Variants in GRID2 observed in about 807,000 individuals in gnomAD.
The protein encoded by GRID2 is glutamate ionotropic receptor delta type subunit 2, also known as glutamate receptor ionotropic, delta-2.
Under a neutral mutation model 114.8 loss-of-function variants are expected in GRID2, and 33 were observed. The observed-to-expected ratio is 0.29, with a 90% CI of 0.22 to 0.38. The LOEUF (loss-of-function observed/expected upper bound fraction) is 0.38. Ranked by LOEUF, GRID2 falls within the 10% of genes least tolerant of loss-of-function variation. The pLI, the probability that GRID2 is intolerant of heterozygous loss-of-function variation, is 1.00. For synonymous variants in GRID2, 505 were observed against 449.9 expected, an observed-to-expected ratio of 1.12 and a Z score of -1.55; for missense variants, 1,184 against 1,257.7, an observed-to-expected ratio of 0.94 and a Z score of 0.89.
At chr4:92,939,633 C>A (rs1750941625) in intron 2 of GRID2, among the ~76,000 whole-genome samples, 1 of 147,026 alleles carries the variant, frequency 6.8e-6, no homozygotes, top group South Asian at 2.3e-4. Context: ...GACATGAAGT[C>A]CTTGCCCATG....
At chr4:93,680,147 C>G (rs1178507686) in intron 14 of GRID2, among the ~76,000 whole-genome samples, 1 of 151,910 alleles carries the variant, frequency 6.6e-6, no homozygotes, top group Non-Finnish European at 1.5e-5. Context: ...ATACTATAAA[C>G]ACCTCTACAC....
chr4:92,731,616 A>G (rs1019895342), intron 2 of GRID2, among the ~76,000 whole-genome samples: 8 of 152,084 alleles, frequency 5.3e-5, no homozygotes, highest in Admixed American at 2.6e-4. Flanking sequence ...GTAGTAATCT[A>G]TGATATTTTA....
chr4:93,423,313 A>G (rs1768490420), intron 10 of GRID2, among the ~76,000 whole-genome samples: 1 of 150,270 alleles, frequency 6.7e-6, no homozygotes, highest in African/African-American at 2.4e-5. Context: ...TTACACATGC[A>G]ATTTGTACTA....
chr4:92,743,759 C>T (rs1039967915), intron 2 of GRID2, among the ~76,000 whole-genome samples: 9 of 152,146 alleles, frequency 5.9e-5, no homozygotes, highest in Non-Finnish European at 1.2e-4. Context: ...TTTGATGATT[C>T]AGGGGCTACT....
intron 1 of GRID2, among the ~76,000 whole-genome samples, chr4:92,587,395 G>A (rs1279937507): frequency 6.6e-6 from 1 of 152,004 alleles, no homozygotes; most frequent in African/African-American, 2.4e-5. Context: ...GAATAGAGAT[G>A]ACTTTGCTGT....
rs777606009 is a variant in GRID2, at chr4:92,495,690, AAATAT to A, written c.89-94437_89-94433del. ...GGATATTGATTGTTTAGAATTATAA[AAATAT>A]AATGTAATATAAATAAAACATTACA... is the stretch of plus-strand genomic sequence containing the variant. On this transcript the variant is annotated intron_variant, in intron 1 of 15. Transcript: ENST00000282020. 7.2e-5 allele frequency among the ~76,000 whole-genome samples: 11 copies of A among 152,064 alleles called. No individual in the cohort carries two copies. In the East Asian group the frequency reaches 9.6e-4, roughly 13 times the overall value.
At chr4:93,382,334 CTCTG>C (rs1763931683) in intron 8 of GRID2, among the ~76,000 whole-genome samples, 1 of 151,938 alleles carries the variant, frequency 6.6e-6, no homozygotes, top group Non-Finnish European at 1.5e-5. Flanking sequence ...CTCTTCTTTT[CTCTG>C]TCTTCTTATG....
chr4:93,675,541 G>C (rs937216291), intron 14 of GRID2, among the ~76,000 whole-genome samples: 7 of 152,138 alleles, frequency 4.6e-5, no homozygotes, highest in African/African-American at 1.7e-4. Context: ...CACAGCCATA[G>C]TCTGAAATAA....
intron 1 of GRID2, among the ~76,000 whole-genome samples, chr4:92,346,361 CT>C (rs1456343096): frequency 1.3e-5 from 2 of 152,094 alleles, no homozygotes; most frequent in African/African-American, 2.4e-5. Flanking sequence ...ATTTTCTGAA[CT>C]TTTTTTGTTT....
chr4:93,081,218 A>G (rs1729836991), intron 2 of GRID2, among the ~76,000 whole-genome samples: 1 of 152,226 alleles, frequency 6.6e-6, no homozygotes, highest in African/African-American at 2.4e-5. Context: ...TAAGTCAGAA[A>G]AAAAAGATCA....
chr4:93,617,823 A>G (rs902674928), intron 13 of GRID2, among the ~76,000 whole-genome samples: 4 of 152,220 alleles, frequency 2.6e-5, no homozygotes, highest in African/African-American at 7.2e-5. Context: ...GGGGTGATTC[A>G]TTATTGTGAA....
intron 4 of GRID2, among the ~76,000 whole-genome samples, chr4:93,129,841 G>T (rs1308598225): frequency 6.6e-6 from 1 of 152,082 alleles, no homozygotes; most frequent in African/African-American, 2.4e-5. Flanking sequence ...CAAATTTGGG[G>T]TGTTCCATTT....
chr4:93,576,289 A>T (rs1305164672), intron 13 of GRID2, among the ~76,000 whole-genome samples: 1 of 152,166 alleles, frequency 6.6e-6, no homozygotes, highest in Non-Finnish European at 1.5e-5. Flanking sequence ...TTTTCCACCC[A>T]GTGAATTTTA....
At chr4:93,477,139 T>C (rs1725394218) in intron 11 of GRID2, among the ~76,000 whole-genome samples, 2 of 152,004 alleles carry the variant, frequency 1.3e-5, no homozygotes, top group African/African-American at 4.8e-5. Flanking sequence ...GGCAAGAGAA[T>C]GTGAGAGAGC....
intron 14 of GRID2, among the ~76,000 whole-genome samples, chr4:93,675,043 C>T (rs1294882376): frequency 1.3e-5 from 2 of 151,894 alleles, no homozygotes; most frequent in East Asian, 3.9e-4. Context: ...CAATTATGAC[C>T]AACCAAAAAT....
At chr4:93,316,062 G>A (rs1431663209) in intron 8 of GRID2, among the ~76,000 whole-genome samples, 1 of 151,986 alleles carries the variant, frequency 6.6e-6, no homozygotes, top group African/African-American at 2.4e-5. Flanking sequence ...GGCATACCTG[G>A]GTGATTCCAG....
intron 2 of GRID2, among the ~76,000 whole-genome samples, chr4:92,808,609 T>C (rs1740525502): frequency 6.6e-6 from 1 of 152,000 alleles, no homozygotes; most frequent in Non-Finnish European, 1.5e-5. Context: ...TTGTAGAGCT[T>C]AAGTTTATAA....
chr4:93,163,601 A>C (rs1277940525), intron 4 of GRID2, among the ~76,000 whole-genome samples: 2 of 150,612 alleles, frequency 1.3e-5, no homozygotes, highest in African/African-American at 4.9e-5. Flanking sequence ...AATTTAGCAG[A>C]ATTTAAAAAA....
At chr4:93,375,374 G>GGCTAATTTT (rs1399733843) in intron 8 of GRID2, among the ~76,000 whole-genome samples, 1 of 151,634 alleles carries the variant, frequency 6.6e-6, no homozygotes, top group African/African-American at 2.4e-5. Context: ...CACCACGCCC[G>GGCTAATTTT]GCTAATTTTT....
Sources: gnomAD v4.1 joint callset for allele counts (sites outside exome capture counted in the v4.1 genomes callset) on GRCh38, gnomAD v4.1.1 for gene constraint, MANE v1.5 for transcripts, NCBI Gene and HGNC (gene_info 2026-07-23, HGNC 2026-07-21) for gene names.